The following ULK4 variants were observed in gnomAD, a reference collection of about 807,000 sequenced individuals.
ULK4 encodes the protein unc-51 like kinase 4.
In ULK4, 133 loss-of-function variants were observed where a neutral mutation model predicts 160.6. The observed-to-expected ratio is 0.83, with a 90% CI of 0.72 to 0.96. The LOEUF (loss-of-function observed/expected upper bound fraction) is 0.96, where lower values mean the gene tolerates loss of function less well. Among genes scored for constraint, ULK4 ranks in the 40% least tolerant of loss-of-function variants. ULK4 has a pLI of 0.00. For missense variants in ULK4, 1,580 were observed against 1,499.5 expected, an observed-to-expected ratio of 1.05 and a Z score of -0.89; for synonymous variants, 534 against 539.8, an observed-to-expected ratio of 0.99 and a Z score of 0.15.
chr3:41,824,358 A>G (rs2041265765), intron 18 of ULK4, among the ~76,000 whole-genome samples: 1 of 152,118 alleles, frequency 6.6e-6, no homozygotes, highest in South Asian at 2.1e-4. Context: ...AAGACAAAGC[A>G]GGGTGAGGCA....
chr3:41,863,892 G>A (rs939470290), intron 17 of ULK4, among the ~76,000 whole-genome samples: 13 of 151,414 alleles, frequency 8.6e-5, no homozygotes, highest in African/African-American at 3.2e-4. Context: ...TTGGAGCCGC[G>A]AGCTATGCAG....
chr3:41,454,091 G>C (rs2083483541), intron 34 of ULK4, among the ~76,000 whole-genome samples: 1 of 149,010 alleles, frequency 6.7e-6, no homozygotes, highest in South Asian at 2.2e-4. Flanking sequence ...ATGACTTAAT[G>C]GGTGCAGCAC....
intron 32 of ULK4, among the ~76,000 whole-genome samples, chr3:41,502,157 T>C (rs1336129943): frequency 1.3e-5 from 2 of 152,238 alleles, no homozygotes; most frequent in Non-Finnish European, 2.9e-5. Context: ...GCAATAAATA[T>C]GGGAATGCAA....
At chr3:41,769,417 C>A (rs1257677568) in intron 21 of ULK4, among the ~76,000 whole-genome samples, 1 of 152,140 alleles carries the variant, frequency 6.6e-6, no homozygotes, top group Non-Finnish European at 1.5e-5. Flanking sequence ...CTTTAGAGAA[C>A]CAAAAATGAC....
chr3:41,868,106 A>T (rs978931253), intron 17 of ULK4, among the ~76,000 whole-genome samples: 1 of 152,206 alleles, frequency 6.6e-6, no homozygotes, highest in African/African-American at 2.4e-5. Flanking sequence ...GGGAATTAGC[A>T]TTCTATAAAT....
intron 27 of ULK4, among the ~76,000 whole-genome samples, chr3:41,701,168 A>G (rs1403731852): frequency 6.6e-6 from 1 of 152,210 alleles, no homozygotes; most frequent in Non-Finnish European, 1.5e-5. Context: ...AGCAGAGATA[A>G]TGGCAGAAAG....
intron 5 of ULK4, among the ~76,000 whole-genome samples, chr3:41,920,130 T>C (rs1174339140): frequency 2.0e-5 from 3 of 152,212 alleles, no homozygotes; most frequent in Non-Finnish European, 4.4e-5. Flanking sequence ...AACATCCCAC[T>C]GGCTTAACAG....
intron 20 of ULK4, among the ~76,000 whole-genome samples, chr3:41,796,841 A>T (rs2040313766): frequency 6.6e-6 from 1 of 152,142 alleles, no homozygotes; most frequent in African/African-American, 2.4e-5. Context: ...TTCTTGGAGA[A>T]ATGATTGATT....
Position 41,637,434 on chromosome 3 carries a change from C to T in ULK4, c.3072-21717G>A, listed in dbSNP as rs184358694. On this transcript the variant is annotated intron_variant, in intron 30 of 36. Coordinates refer to ENST00000301831, the MANE Select transcript of ULK4 (RefSeq NM_017886.4). Reference sequence around the variant, plus strand: ...GTATATCTACCACATTTTCTTTATTCGTTCATCTATTGATGGACATAGGTT... The same window carrying T: ...GTATATCTACCACATTTTCTTTATTTGTTCATCTATTGATGGACATAGGTT... 5.8e-3 allele frequency among the ~76,000 whole-genome samples: 878 copies of T among 152,216 alleles called. 7 individuals are homozygous for T. Among genetic ancestry groups the T allele is most frequent in the Non-Finnish European group, 0.01 (700 of 68,002 alleles).
At chr3:41,550,443 A>G (rs1691970) in intron 32 of ULK4, among the ~76,000 whole-genome samples, 68,046 of 151,622 alleles carry the variant, frequency 0.45, 15,938 homozygotes, top group Middle Eastern at 0.53. Flanking sequence ...ATGGAAAAAT[A>G]TATCTCACGT....
At chr3:41,957,737 T>C (rs968453179) in intron 1 of ULK4, among the ~76,000 whole-genome samples, 1 of 150,544 alleles carries the variant, frequency 6.6e-6, no homozygotes, top group African/African-American at 2.4e-5. Flanking sequence ...AATTAAAAAT[T>C]AAAAAAGCAC....
At chr3:41,622,214 G>A (rs540661680) in intron 30 of ULK4, among the ~76,000 whole-genome samples, 43 of 152,100 alleles carry the variant, frequency 2.8e-4, no homozygotes, top group Non-Finnish European at 3.8e-4. Context: ...AATTCCTCAA[G>A]GATCTAGAAC....
intron 25 of ULK4, among the ~76,000 whole-genome samples, chr3:41,705,722 C>T (rs1163838044): frequency 2.6e-5 from 4 of 151,956 alleles, no homozygotes; most frequent in South Asian, 2.1e-4. Context: ...CTCAAACTCC[C>T]GACCTCAGGT....
At chr3:41,591,494 TAA>T (rs57967274) in intron 31 of ULK4, among the ~76,000 whole-genome samples, 2 of 143,764 alleles carry the variant, frequency 1.4e-5, no homozygotes, top group Non-Finnish European at 1.5e-5. Context: ...CTGATGAGCT[TAA>T]AAAAAAAAAA....
At position 41,315,216 on chromosome 3, in the gene ULK4, A is replaced by C. The variant is rs116073484; in HGVS notation, c.3679-65642T>G. Among the ~76,000 whole-genome samples the C allele has an allele frequency of 4.6e-3, 704 of 152,230 alleles. 3 individuals are homozygous for C. The highest frequency in any genetic ancestry group is 0.016 in the African/African-American group (676 of 41,534). On this transcript the variant is annotated intron_variant, in intron 35 of 36. Transcript: ENST00000301831. ...TGCTGGGATATATTATTTTGGATGA[A>C]GTTCTCTAAAATTCTAAAATTTAGA...
intron 22 of ULK4, among the ~76,000 whole-genome samples, chr3:41,742,415 C>A (rs1281318536): frequency 6.6e-6 from 1 of 151,898 alleles, no homozygotes; most frequent in East Asian, 1.9e-4. Context: ...CCATTCCCAA[C>A]CAGCAGAAGC....
intron 19 of ULK4, among the ~76,000 whole-genome samples, chr3:41,814,120 C>A (rs2040896432): frequency 6.6e-6 from 1 of 152,118 alleles, no homozygotes; most frequent in African/African-American, 2.4e-5. Flanking sequence ...GGTCTGCTCG[C>A]AGGGGAGGCT....
At chr3:41,274,209 T>C (rs972476295) in intron 35 of ULK4, among the ~76,000 whole-genome samples, 1 of 152,304 alleles carries the variant, frequency 6.6e-6, no homozygotes, top group Non-Finnish European at 1.5e-5. Flanking sequence ...TTTCTGTATT[T>C]TTTTTCCTCT....
At chr3:41,345,957 T>A (rs1188408847) in intron 35 of ULK4, among the ~76,000 whole-genome samples, 1 of 151,796 alleles carries the variant, frequency 6.6e-6, no homozygotes, top group Non-Finnish European at 1.5e-5. Context: ...TGTTGGGAGA[T>A]AACACTGTTC....
Sources: gnomAD v4.1 joint callset for allele counts (sites outside exome capture counted in the v4.1 genomes callset) on GRCh38, gnomAD v4.1.1 for gene constraint, MANE v1.5 for transcripts, NCBI Gene and HGNC (gene_info 2026-07-23, HGNC 2026-07-21) for gene names.